SMARCC1: variants seen among roughly 807,000 people sequenced by gnomAD.
SMARCC1 encodes SWI/SNF complex subunit SMARCC1.
SMARCC1 carries 43 observed loss-of-function variants against 147.4 expected under a neutral mutation model. That is an observed-to-expected ratio of 0.29 (90% CI 0.23 to 0.38). The LOEUF (loss-of-function observed/expected upper bound fraction) is 0.38. SMARCC1 is among the 10% of genes least tolerant of loss of function. The probability of loss-of-function intolerance (pLI) is 1.00; values close to 1 mark genes in which losing one functional copy is unlikely to be tolerated. For missense variants in SMARCC1, 1,119 were observed against 1,381.1 expected (o/e 0.81, Z 3.01); for synonymous variants, 495 against 484.4 (o/e 1.02, Z -0.29).
chr3:47,602,277 G>A (rs1010217470), intron 26 of SMARCC1, among the ~76,000 whole-genome samples: 1 of 152,076 alleles, frequency 6.6e-6, no homozygotes, highest in Non-Finnish European at 1.5e-5. Context: ...GGGCGACACA[G>A]CAAAACCCTG....
At chr3:47,754,207 CTTT>C in intron 2 of SMARCC1, among the ~76,000 whole-genome samples, 1 of 144,806 alleles carries the variant, frequency 6.9e-6, no homozygotes, top group African/African-American at 2.5e-5. Context: ...GAACTTTACT[CTTT>C]TTTTTTTTTT....
chr3:47,705,323 CAAAAAAAAA>C (rs754344034), intron 10 of SMARCC1, among the ~76,000 whole-genome samples: 2 of 103,722 alleles, frequency 1.9e-5, no homozygotes, highest in Admixed American at 2.2e-4. Flanking sequence ...GACTCCGTCT[CAAAAAAAAA>C]AAAAAAAAAA....
chr3:47,777,296 T>C (rs919439417), intron 1 of SMARCC1, among the ~76,000 whole-genome samples: 2 of 151,456 alleles, frequency 1.3e-5, no homozygotes, highest in African/African-American at 4.8e-5. Flanking sequence ...TTGGCCAGGC[T>C]GGTCTCAAAC....
intron 2 of SMARCC1, among the ~76,000 whole-genome samples, chr3:47,756,654 C>T (rs2034701742): frequency 6.6e-6 from 1 of 151,680 alleles, no homozygotes; most frequent in South Asian, 2.1e-4. Context: ...GTCCACGGGT[C>T]AAATGTAGTC....
intron 24 of SMARCC1, among the ~76,000 whole-genome samples, chr3:47,628,007 C>A (rs1366219321): frequency 2.0e-5 from 3 of 152,022 alleles, no homozygotes; most frequent in East Asian, 3.9e-4. Flanking sequence ...ACGGTGTGAG[C>A]CACTGTGCTG....
chr3:47,715,344 G>A (rs1458408323), intron 7 of SMARCC1, among the ~76,000 whole-genome samples: 1 of 152,112 alleles, frequency 6.6e-6, no homozygotes, highest in Non-Finnish European at 1.5e-5. Context: ...CCCCAGCGAT[G>A]TACTCTAGCC....
At chr3:47,779,866 G>A (rs1177257045) in intron 1 of SMARCC1, among the ~76,000 whole-genome samples, 1 of 152,082 alleles carries the variant, frequency 6.6e-6, no homozygotes, top group African/African-American at 2.4e-5. Context: ...TTGGCTAAAA[G>A]GAATGTAATA....
intron 10 of SMARCC1, 76 bp from the exon 11 acceptor site, chr3:47,701,478 C>T (rs2033917517): frequency 3.8e-6 from 5 of 1,310,440 alleles, no homozygotes; most frequent in Non-Finnish European, 5.5e-6. Context: ...TGAGGTTGTA[C>T]ACCTTCATTA....
rs772692458 is a variant in SMARCC1 at position 47,588,258 on chromosome 3, C to G, written c.3269G>C (p.Gly1090Ala). 1 of 1,613,674 alleles carries G rather than the reference C, an allele frequency of 6.2e-7. No homozygotes were observed. The highest frequency in any genetic ancestry group is 8.5e-7 in the Non-Finnish European group (1 of 1,179,840). ...QQPPPPPPAD[G>A]VPPPPAPGPP... ...GCCAGGAGCAGGAGGCGGAGGGACCCCATCTGCAGGTGGTGGTGGCGGTGG... is the reference window on the plus strand; with the variant it reads ...GCCAGGAGCAGGAGGCGGAGGGACCGCATCTGCAGGTGGTGGTGGCGGTGG... Residue 1090 changes from glycine to alanine, a missense_variant, in exon 28 of 28, where the codon GGG (glycine) becomes GCG (alanine). Gly to Ala is a moderately conservative substitution (Grantham distance 60). This residue lies in a region of SMARCC1 where 186 missense variants were observed against 216.5 expected (regional missense o/e 0.86). Transcript: ENST00000254480.
At chr3:47,766,889 T>C (rs1364914711) in intron 2 of SMARCC1, among the ~76,000 whole-genome samples, 1 of 152,048 alleles carries the variant, frequency 6.6e-6, no homozygotes, top group East Asian at 1.9e-4. Flanking sequence ...AGTTACTATA[T>C]AAAGTTCCAC....
intron 1 of SMARCC1, among the ~76,000 whole-genome samples, chr3:47,776,369 C>T (rs1353747381): frequency 6.6e-6 from 1 of 151,518 alleles, no homozygotes; most frequent in African/African-American, 2.4e-5. Flanking sequence ...TGGGAGGCCG[C>T]GGCGGGTGGA....
Position 47,636,050 on chromosome 3 carries a change from A to G in SMARCC1, c.2463T>C (p.Asp821=). 1 of 1,595,180 alleles carries G rather than the reference A, an allele frequency of 6.3e-7. No homozygotes were observed. The highest frequency in any genetic ancestry group is 1.7e-5 in the Admixed American group (1 of 59,918). ...ATTTGGTATCCTCACTCACTTCACT[A>G]TCCTGTTCCTTTTCACTATTTTTTT... The part of the protein sequence containing the change: ...ENEKNSEKEQ[D]SEVSEDTKSE... Residue 821 remains aspartate, a synonymous_variant, in exon 23 of 28, where the codon GAT becomes GAC. Transcript: ENST00000254480.
chr3:47,779,954 A>G (rs1005543537), intron 1 of SMARCC1, among the ~76,000 whole-genome samples: 2 of 152,198 alleles, frequency 1.3e-5, no homozygotes, highest in Non-Finnish European at 2.9e-5. Context: ...TTACATTTAA[A>G]AAGTGACCAA....
At chr3:47,590,088 C>T (rs1317480555) in intron 27 of SMARCC1, among the ~76,000 whole-genome samples, 1 of 152,218 alleles carries the variant, frequency 6.6e-6, no homozygotes, top group Non-Finnish European at 1.5e-5. Flanking sequence ...GGTCTCTAAA[C>T]ACAGCCTCAG....
At chr3:47,736,622 A>G (rs1339105970) in intron 4 of SMARCC1, among the ~76,000 whole-genome samples, 1 of 151,840 alleles carries the variant, frequency 6.6e-6, no homozygotes, top group African/African-American at 2.4e-5. Flanking sequence ...GCTTGCAGTG[A>G]GCCGAGATCA....
At position 47,678,189 on chromosome 3, in the gene SMARCC1, A is replaced by T; in HGVS notation, c.1571+9T>A. On this transcript the variant is annotated intron_variant, in intron 16 of 27. Coordinates refer to ENST00000254480, the MANE Select transcript of SMARCC1 (RefSeq NM_003074.4). ...AGTTAAATGTCTCAGAAAAAGTCAA[A>T]CAGTTTACCTCATCACAGCACACAC... The T allele has an allele frequency of 4.0e-6, 6 of 1,503,498 alleles. 1 individual carries two copies. The highest frequency in any genetic ancestry group is 5.5e-6 in the Non-Finnish European group (6 of 1,097,152). The allele number at this position is 1,503,498 out of a possible 1,614,324, so 93.1% of individuals were successfully genotyped here.
chr3:47,721,044 T>C (rs6442079), intron 6 of SMARCC1, among the ~76,000 whole-genome samples: 95,134 of 151,996 alleles, frequency 0.63, 30,567 homozygotes, highest in East Asian at 0.72. Flanking sequence ...CTCTCTTCTA[T>C]CAAAATAATA....
chr3:47,745,463 A>G (rs2034554669), intron 3 of SMARCC1, among the ~76,000 whole-genome samples: 1 of 152,158 alleles, frequency 6.6e-6, no homozygotes, highest in African/African-American at 2.4e-5. Flanking sequence ...CTGTAATCCC[A>G]GCACTTTGGG....
rs372516149 is a variant in SMARCC1 at position 47,748,436 on chromosome 3, C to G, written c.316-2443G>C. 5.3e-5 allele frequency among the ~76,000 whole-genome samples: 8 copies of G among 152,172 alleles called. No individual in the cohort carries two copies. In the South Asian group the frequency reaches 1.7e-3, roughly 32 times the overall value. The stretch of plus-strand genomic sequence containing the variant: ...ACAAACTTTTGCCATATTGGCCAAG[C>G]TGATATGAAACTCTTGATCTCAAGT... On this transcript the variant is annotated intron_variant, in intron 2 of 27. Transcript: ENST00000254480.
Sources: gnomAD v4.1 joint callset for allele counts (sites outside exome capture counted in the v4.1 genomes callset) on GRCh38, gnomAD v4.1.1 for gene constraint, gnomAD v4.1.1 regional missense constraint, MANE v1.5 for transcripts, NCBI Gene and HGNC (gene_info 2026-07-23, HGNC 2026-07-21) for gene names.